EYS: variants seen among roughly 807,000 people sequenced by gnomAD.
EYS encodes the protein protein eyes shut homolog.
EYS carries 250 observed loss-of-function variants against 282.1 expected under a neutral mutation model. The observed-to-expected ratio is 0.89, with a 90% CI of 0.80 to 0.98. The LOEUF (loss-of-function observed/expected upper bound fraction) is 0.98. EYS is among the 50% of genes least tolerant of loss of function. EYS has a pLI of 0.00. For missense variants in EYS, 4,016 were observed against 3,709.0 expected (o/e 1.08, Z -2.15); for synonymous variants, 1,355 against 1,282.9 (o/e 1.06, Z -1.20).
chr6:64,099,748 T>C (rs1432283277), intron 31 of EYS, among the ~76,000 whole-genome samples: 1 of 152,110 alleles, frequency 6.6e-6, no homozygotes, highest in Non-Finnish European at 1.5e-5. Flanking sequence ...ACCTAAAATA[T>C]CCCTTTCCAA....
At chr6:64,802,407 G>A (rs904816006) in intron 22 of EYS, among the ~76,000 whole-genome samples, 1 of 151,986 alleles carries the variant, frequency 6.6e-6, no homozygotes, top group East Asian at 1.9e-4. Context: ...GTTTTTGAGC[G>A]TGTAATTCTT....
chr6:64,419,166 G>C (rs1774149903), intron 28 of EYS, among the ~76,000 whole-genome samples: 1 of 152,094 alleles, frequency 6.6e-6, no homozygotes, highest in Admixed American at 6.5e-5. Flanking sequence ...TTCTCGTGCT[G>C]CTAATAAAGA....
chr6:65,132,147 G>T (rs1775897343), intron 12 of EYS, among the ~76,000 whole-genome samples: 1 of 151,926 alleles, frequency 6.6e-6, no homozygotes, highest in East Asian at 1.9e-4. Flanking sequence ...GTATAAGGAA[G>T]AGCTGATTCC....
chr6:65,069,796 C>A (rs955515517), intron 12 of EYS, among the ~76,000 whole-genome samples: 1 of 151,872 alleles, frequency 6.6e-6, no homozygotes, highest in African/African-American at 2.4e-5. Context: ...TTCAAAATCT[C>A]TCCTTCAACT....
intron 12 of EYS, among the ~76,000 whole-genome samples, chr6:65,175,596 C>A (rs1036863124): frequency 1.3e-5 from 2 of 151,324 alleles, no homozygotes; most frequent in African/African-American, 4.8e-5. Flanking sequence ...ATTCATAAAG[C>A]ATTTCTCACT....
intron 9 of EYS, among the ~76,000 whole-genome samples, chr6:65,347,677 A>T (rs1039703076): frequency 2.0e-5 from 3 of 151,516 alleles, no homozygotes; most frequent in African/African-American, 7.3e-5. Flanking sequence ...CACCTCAGGG[A>T]AAATAGTGTA....
intron 5 of EYS, among the ~76,000 whole-genome samples, chr6:65,465,314 C>G (rs1470778233): frequency 6.6e-6 from 1 of 151,746 alleles, no homozygotes; most frequent in Non-Finnish European, 1.5e-5. Flanking sequence ...CTCATCTCCC[C>G]CCATTTTTTT....
At chr6:65,144,903 G>A (rs1388291334) in intron 12 of EYS, among the ~76,000 whole-genome samples, 1 of 151,610 alleles carries the variant, frequency 6.6e-6, no homozygotes, top group Non-Finnish European at 1.5e-5. Context: ...TAAAGTAGTT[G>A]GGATTATAGG....
rs199841375 is a variant in EYS at position 65,175,508 on chromosome 6, CA to C, written c.2024-117782del. ...ACCTTACTGGAATAAGTGGTGCTCT[CA>C]AAAAAATTAAAATGAAGAAAAATAA... On this transcript the variant is annotated intron_variant, in intron 12 of 42. Transcript: ENST00000503581. 2.3e-4 allele frequency among the ~76,000 whole-genome samples: 35 copies of C among 150,840 alleles called. No homozygotes were observed. In the East Asian group the frequency reaches 5.7e-3, roughly 25 times the overall value.
intron 1 of EYS, among the ~76,000 whole-genome samples, chr6:65,661,539 A>C (rs1406881645): frequency 3.9e-5 from 6 of 152,198 alleles, no homozygotes; most frequent in Middle Eastern, 3.4e-3. Context: ...GGCTCCAATA[A>C]TAATACAATT....
intron 19 of EYS, among the ~76,000 whole-genome samples, chr6:64,843,151 C>T (rs1182091485): frequency 6.6e-6 from 1 of 152,100 alleles, no homozygotes; most frequent in Non-Finnish European, 1.5e-5. Context: ...TATGGAAATG[C>T]CTGGATGCCC....
chr6:64,950,832 T>TATATATATATATATATA (rs1310289103), intron 14 of EYS, among the ~76,000 whole-genome samples: 1 of 103,102 alleles, frequency 9.7e-6, no homozygotes. Flanking sequence ...TATATATATA[T>TATATATATATATATATA]ATTGTTGAAT....
intron 28 of EYS, among the ~76,000 whole-genome samples, chr6:64,403,582 C>T (rs1773609765): frequency 6.6e-6 from 1 of 152,146 alleles, no homozygotes; most frequent in Non-Finnish European, 1.5e-5. Flanking sequence ...TGGTCTCGGA[C>T]TCCTGACCTT....
chr6:65,629,649 A>G (rs1407356559), intron 2 of EYS, among the ~76,000 whole-genome samples: 1 of 151,874 alleles, frequency 6.6e-6, no homozygotes, highest in Non-Finnish European at 1.5e-5. Flanking sequence ...CCACTCCAAA[A>G]CCTTTAAAAA....
chr6:63,956,688 G>T (rs1317868564), intron 35 of EYS, among the ~76,000 whole-genome samples: 1 of 152,090 alleles, frequency 6.6e-6, no homozygotes, highest in Non-Finnish European at 1.5e-5. Flanking sequence ...ATTTAATCAA[G>T]CTAATTACCA....
At chr6:64,586,259 C>G (rs1303147308) in intron 26 of EYS, among the ~76,000 whole-genome samples, 1 of 152,062 alleles carries the variant, frequency 6.6e-6, no homozygotes, top group African/African-American at 2.4e-5. Flanking sequence ...GAAACAGACA[C>G]TCATTGAACT....
At chr6:65,122,476 C>T (rs907936980) in intron 12 of EYS, among the ~76,000 whole-genome samples, 5 of 151,952 alleles carry the variant, frequency 3.3e-5, no homozygotes, top group African/African-American at 7.2e-5. Flanking sequence ...AGTCTTGAAA[C>T]GTAACATATT....
chr6:64,052,941 T>C (rs1183227717), intron 33 of EYS, among the ~76,000 whole-genome samples: 1 of 152,172 alleles, frequency 6.6e-6, no homozygotes, highest in Non-Finnish European at 1.5e-5. Context: ...TTACCCAGTT[T>C]CAGGTATTTC....
intron 22 of EYS, among the ~76,000 whole-genome samples, chr6:64,704,858 C>G (rs1480568939): frequency 6.6e-6 from 1 of 151,996 alleles, no homozygotes; most frequent in African/African-American, 2.4e-5. Flanking sequence ...ATCACAAATC[C>G]ACAGCCAAAA....
Sources: allele counts gnomAD v4.1 joint callset (sites outside exome capture counted in the v4.1 genomes callset), GRCh38; gene constraint gnomAD v4.1.1; transcripts MANE v1.5; gene names NCBI Gene and HGNC (gene_info 2026-07-23, HGNC 2026-07-21).